The following KIAA1217 variants were observed in gnomAD, a reference collection of about 807,000 sequenced individuals.
The protein encoded by KIAA1217 is KIAA1217.
A neutral mutation model predicts 163.9 loss-of-function variants in KIAA1217; 88 were observed. That is an observed-to-expected ratio of 0.54 (90% confidence interval 0.45 to 0.64). The LOEUF is 0.64. KIAA1217 is among the 30% of genes least tolerant of loss of function. The pLI is 0.00. For missense variants in KIAA1217, 2,372 were observed against 2,475.0 expected (o/e 0.96, Z 0.88); for synonymous variants, 903 against 923.1 (o/e 0.98, Z 0.39).
chr10:23,854,224 C>T (rs142856224), intron 1 of KIAA1217, among the ~76,000 whole-genome samples: 3,304 of 152,092 alleles, frequency 0.022, 129 homozygotes, highest in African/African-American at 0.075. Context: ...TCTTTGTTCT[C>T]GTTGGTTTCA....
intron 2 of KIAA1217, among the ~76,000 whole-genome samples, chr10:24,273,120 T>C (rs2076926879): frequency 6.6e-6 from 1 of 152,224 alleles, no homozygotes; most frequent in Admixed American, 6.5e-5. Flanking sequence ...AAAGATGGCA[T>C]TTTCTGAATG....
rs150556810 is a variant in KIAA1217, at chr10:24,468,003, A to G, written c.847-5225A>G. Among the ~76,000 whole-genome samples the G allele has an allele frequency of 3.9e-3, 600 of 152,326 alleles. 3 individuals carry two copies. Among genetic ancestry groups the G allele is most frequent in the Non-Finnish European group, 6.8e-3 (464 of 68,026 alleles). Reference sequence around the variant, plus strand: ...CAAAATAAATCTGTGTTGGTGACAGATTCTAGGAAGATCTCTCCTTAGTAA... The same window carrying G: ...CAAAATAAATCTGTGTTGGTGACAGGTTCTAGGAAGATCTCTCCTTAGTAA... On this transcript the variant is annotated intron_variant, in intron 5 of 20. Transcript: ENST00000376454.
intron 1 of KIAA1217, among the ~76,000 whole-genome samples, chr10:23,882,476 A>T (rs2131192655): frequency 6.6e-6 from 1 of 151,910 alleles, no homozygotes; most frequent in East Asian, 1.9e-4. Context: ...GTGGTTGGGA[A>T]ACACGGTTTT....
At chr10:24,403,286 T>G (rs1322616376) in intron 3 of KIAA1217, among the ~76,000 whole-genome samples, 1 of 152,220 alleles carries the variant, frequency 6.6e-6, no homozygotes, top group African/African-American at 2.4e-5. Flanking sequence ...TTGCCCAGGC[T>G]GGAGTGCAAT....
intron 2 of KIAA1217, among the ~76,000 whole-genome samples, chr10:24,043,763 C>T (rs1407960660): frequency 6.6e-6 from 1 of 152,028 alleles, no homozygotes; most frequent in Non-Finnish European, 1.5e-5. Context: ...AGAGTATATC[C>T]TTTTTTAAAC....
At chr10:23,832,316 G>A (rs147584163) in intron 1 of KIAA1217, among the ~76,000 whole-genome samples, 285 of 152,274 alleles carry the variant, frequency 1.9e-3, no homozygotes, top group African/African-American at 4.4e-3. Context: ...AGGTGCATAG[G>A]GCAAGGTATG....
chr10:24,394,077 C>G (rs1454061849), intron 3 of KIAA1217, among the ~76,000 whole-genome samples: 3 of 152,186 alleles, frequency 2.0e-5, no homozygotes, highest in African/African-American at 7.2e-5. Flanking sequence ...TCTTAGCATT[C>G]CAAGGGGAAA....
At chr10:24,158,569 G>A (rs1349257562) in intron 2 of KIAA1217, 3 of 505,412 alleles carry the variant, frequency 5.9e-6, no homozygotes, top group African/African-American at 3.9e-5. Flanking sequence ...TGACTAAACT[G>A]TAATGGGAAG....
intron 2 of KIAA1217, among the ~76,000 whole-genome samples, chr10:24,174,431 C>A (rs1210719657): frequency 1.3e-5 from 2 of 152,204 alleles, no homozygotes; most frequent in Non-Finnish European, 2.9e-5. Flanking sequence ...CTTGTGGACA[C>A]ACACACACGA....
intron 13 of KIAA1217, among the ~76,000 whole-genome samples, chr10:24,526,450 G>A (rs867679500): frequency 1.3e-5 from 2 of 152,138 alleles, no homozygotes; most frequent in East Asian, 1.9e-4. Flanking sequence ...CACTTAAGAC[G>A]TCTTGCCACT....
At chr10:24,078,742 A>T (rs1209809169) in intron 2 of KIAA1217, among the ~76,000 whole-genome samples, 1 of 152,192 alleles carries the variant, frequency 6.6e-6, no homozygotes, top group East Asian at 1.9e-4. Context: ...AGAGTAAAAT[A>T]ATAAAATAGA....
At chr10:24,463,916 T>A (rs1183011854) in intron 5 of KIAA1217, among the ~76,000 whole-genome samples, 1 of 152,202 alleles carries the variant, frequency 6.6e-6, no homozygotes, top group Non-Finnish European at 1.5e-5. Flanking sequence ...ATGGCTGTAA[T>A]GTCCCAAGGT....
intron 2 of KIAA1217, among the ~76,000 whole-genome samples, chr10:24,136,840 A>G (rs2063850817): frequency 6.6e-6 from 1 of 152,202 alleles, no homozygotes; most frequent in Admixed American, 6.5e-5. Flanking sequence ...ATTCACTCAG[A>G]GTGTAGCTGA....
chr10:24,155,963 G>T (rs1419541637), intron 2 of KIAA1217, among the ~76,000 whole-genome samples: 1 of 152,298 alleles, frequency 6.6e-6, no homozygotes, highest in African/African-American at 2.4e-5. Flanking sequence ...CCCTTGACAA[G>T]AAGTTGTTTT....
chr10:24,352,410 A>T (rs2048562164), intron 2 of KIAA1217, among the ~76,000 whole-genome samples: 1 of 152,042 alleles, frequency 6.6e-6, no homozygotes, highest in Non-Finnish European at 1.5e-5. Flanking sequence ...AAACTTAAAA[A>T]CCTTCCTTTG....
rs1023906137 is a variant in KIAA1217, at chr10:24,547,797, T to A, written c.*1473T>A. 6.6e-6 allele frequency: 1 copy of A among 152,174 alleles called. No homozygotes were observed. The highest frequency in any genetic ancestry group is 2.4e-5 in the African/African-American group (1 of 41,440). 9.4% of individuals were successfully genotyped at this position (152,174 alleles called of 1,614,324 possible). ...GGGCTCTTATTATTTTCTCTCTTTT[T>A]AAAAAACTTCCAGTAGAAGTAAAGT... On this transcript the variant is annotated 3_prime_UTR_variant, in exon 21 of 21. Transcript: ENST00000376454.
At chr10:24,059,148 G>GCTGATACA (rs2060628546) in intron 2 of KIAA1217, among the ~76,000 whole-genome samples, 1 of 152,034 alleles carries the variant, frequency 6.6e-6, no homozygotes, top group Non-Finnish European at 1.5e-5. Flanking sequence ...GTGATTTTTA[G>GCTGATACA]CCTTCATTCT....
At chr10:24,004,864 A>G (rs1359976144) in intron 1 of KIAA1217, among the ~76,000 whole-genome samples, 1 of 152,214 alleles carries the variant, frequency 6.6e-6, no homozygotes, top group Non-Finnish European at 1.5e-5. Context: ...AATTGGGCCA[A>G]TCTAGTGGGA....
Position 24,545,033 on chromosome 10 carries a change from A to C in KIAA1217, c.5264A>C (p.Lys1755Thr). Residue 1755 changes from lysine (K) to threonine (T), a missense_variant, in exon 20 of 21, where the codon AAG becomes ACG. Coordinates refer to ENST00000376454, the MANE Select transcript of KIAA1217 (RefSeq NM_019590.5). ...AGGATGCCTGTCCCCATGAGTGCCA[A>C]GAACAGACCCGGAACCCTGGACAAA... ...TSRMPVPMSAKNRPGTLDKPG... is the reference protein window; with the variant it reads ...TSRMPVPMSATNRPGTLDKPG... The C allele has an allele frequency of 6.2e-7, 1 of 1,614,168 alleles. No individual in the cohort carries two copies. The highest frequency in any genetic ancestry group is 8.5e-7 in the Non-Finnish European group (1 of 1,180,002).
Sources: allele counts gnomAD v4.1 joint callset (sites outside exome capture counted in the v4.1 genomes callset), GRCh38; gene constraint gnomAD v4.1.1; transcripts MANE v1.5; gene names NCBI Gene and HGNC (gene_info 2026-07-23, HGNC 2026-07-21).